ST3GAL6: variants seen among roughly 807,000 people sequenced by gnomAD.
The protein encoded by ST3GAL6 is ST3 beta-galactoside alpha-2,3-sialyltransferase 6.
Under a neutral mutation model 40.5 loss-of-function variants are expected in ST3GAL6, and 31 were observed. That is an observed-to-expected ratio of 0.77 (90% CI 0.58 to 1.03). ST3GAL6 has a LOEUF of 1.03. ST3GAL6 is among the 50% of genes least tolerant of loss of function. ST3GAL6 has a pLI of 0.00. For synonymous variants in ST3GAL6, 129 were observed against 136.9 expected (o/e 0.94, Z 0.40); for missense variants, 357 against 393.2 (o/e 0.91, Z 0.78).
At chr3:98,791,459 C>T (rs1007567486) in intron 8 of ST3GAL6, among the ~76,000 whole-genome samples, 2 of 152,162 alleles carry the variant, frequency 1.3e-5, no homozygotes, top group Admixed American at 6.5e-5. Flanking sequence ...ATTTCATACA[C>T]GTGTTCAAAA....
intron 1 of ST3GAL6, chr3:98,732,598 C>T: frequency 2.4e-6 from 1 of 417,572 alleles, no homozygotes; most frequent in South Asian, 4.1e-5. Flanking sequence ...CCGCAGCCTC[C>T]CACCACTTTG....
At position 98,779,951 on chromosome 3, in the gene ST3GAL6, A is replaced by G. The variant is rs1281148353; in HGVS notation, c.336-4994A>G. Among the ~76,000 whole-genome samples the G allele has an allele frequency of 2.6e-5, 4 of 152,330 alleles. No individual in the cohort carries two copies. The Middle Eastern group carries it at 0.01, about 389-fold the overall frequency. ...AGGATACAGAGATATAAATGATACT[A>G]TTCTTTCCTCTAGGGACTCACAATT... On this transcript the variant is annotated intron_variant, in intron 5 of 9. Coordinates refer to ENST00000483910, the MANE Select transcript of ST3GAL6 (RefSeq NM_001323368.2).
Position 98,772,829 on chromosome 3 carries a change from C to T in ST3GAL6, c.184C>T (p.Pro62Ser). The T allele has an allele frequency of 1.2e-6, 2 of 1,612,896 alleles. No homozygotes were observed. The highest frequency in any genetic ancestry group is 1.7e-6 in the Non-Finnish European group (2 of 1,179,152). ...ASLLRFHQFHPFLCAADFRKI... is the reference protein window; with the variant it reads ...ASLLRFHQFHSFLCAADFRKI... ...TCCTTCCAGGTTTCATCAGTTTCAC[C>T]CTTTTCTGTGTGCGGCTGATTTTAG... Residue 62 changes from proline (P) to serine (S), a missense_variant, in exon 4 of 10, where the codon CCT becomes TCT. By Grantham distance (74) the Pro-to-Ser change is moderately conservative. Coordinates refer to ENST00000483910, the MANE Select transcript of ST3GAL6 (RefSeq NM_001323368.2).
In ST3GAL6 at chr3:98,772,686, T is replaced by A. The variant is rs9859535; in HGVS notation, c.168-127T>A. 773 of 521,054 alleles carry A rather than the reference T, an allele frequency of 1.5e-3. 6 individuals are homozygous for A. Among genetic ancestry groups the A allele is most frequent in the African/African-American group, 0.013 (698 of 51,756 alleles). 32.3% of individuals were successfully genotyped at this position (521,054 alleles called of 1,614,324 possible). A position where few individuals can be genotyped will look rare whatever the true frequency, so the allele number is the denominator to read the frequency against. On this transcript the variant is annotated intron_variant, in intron 3 of 9. Transcript: ENST00000483910. ...AGTTATTTTTAAAAATTAAAAAAAA[T>A]TATACATTTTTGTATAGCCAGTATA... is the stretch of plus-strand genomic sequence containing the variant.
chr3:98,783,453 T>C (rs1353859012), intron 5 of ST3GAL6: 5 of 655,120 alleles, frequency 7.6e-6, no homozygotes, highest in Non-Finnish European at 7.6e-6. Flanking sequence ...GGCAACACTG[T>C]GTACCTTCCT....
chr3:98,744,428 A>G (rs186520797), intron 1 of ST3GAL6, among the ~76,000 whole-genome samples: 151 of 152,292 alleles, frequency 9.9e-4, no homozygotes, highest in Admixed American at 5.2e-3. Flanking sequence ...CACCCTGTCC[A>G]AGCTGTGGCT....
intron 1 of ST3GAL6, among the ~76,000 whole-genome samples, chr3:98,746,526 GT>G (rs1464103669): frequency 6.6e-6 from 1 of 151,988 alleles, no homozygotes; most frequent in Non-Finnish European, 1.5e-5. Flanking sequence ...TCTAGACTGG[GT>G]TGTTTTATAA....
At chr3:98,773,668 G>A (rs567312298) in intron 4 of ST3GAL6, among the ~76,000 whole-genome samples, 1 of 152,066 alleles carries the variant, frequency 6.6e-6, no homozygotes, top group East Asian at 1.9e-4. Context: ...AAAATTATAT[G>A]ATTGTTTTTC....
intron 1 of ST3GAL6, among the ~76,000 whole-genome samples, chr3:98,754,828 G>T (rs1463979612): frequency 6.6e-6 from 1 of 152,192 alleles, no homozygotes; most frequent in African/African-American, 2.4e-5. Context: ...TCAATCATTA[G>T]CATTTTTAGC....
intron 4 of ST3GAL6, among the ~76,000 whole-genome samples, chr3:98,773,717 T>C (rs1447382607): frequency 1.3e-5 from 2 of 152,156 alleles, no homozygotes; most frequent in African/African-American, 4.8e-5. Context: ...TTTTGGAAAG[T>C]GTCTTTAGAG....
At chr3:98,789,557 T>C (rs1258292108) in intron 8 of ST3GAL6, among the ~76,000 whole-genome samples, 1 of 152,226 alleles carries the variant, frequency 6.6e-6, no homozygotes, top group East Asian at 1.9e-4. Flanking sequence ...TCCAACATTT[T>C]CTTCTCTTTA....
intron 7 of ST3GAL6, 43 bp downstream of exon 7, chr3:98,788,265 C>T (rs1940915094): frequency 6.3e-7 from 1 of 1,588,530 alleles, no homozygotes; most frequent in African/African-American, 1.4e-5. Context: ...ACCTTTAGTG[C>T]TTTTTTTCCT....
Position 98,741,051 on chromosome 3 carries a change from A to AGTGTGTGTGTGT in ST3GAL6, c.-12+8541_-12+8552dup, listed in dbSNP as rs35649214. On this transcript the variant is annotated intron_variant, in intron 1 of 9. Coordinates refer to the ST3GAL6 transcript ENST00000265261. Reference sequence around the variant, plus strand: ...CCATGGGCATATAGTAGAGGGATTCAGTGTGTGTGTGTGTGTGTGTGTGTG... The same window carrying AGTGTGTGTGTGT: ...CCATGGGCATATAGTAGAGGGATTCAGTGTGTGTGTGTGTGTGTGTGTGTGTGTGTGTGTGTG... Among the ~76,000 whole-genome samples the AGTGTGTGTGTGT allele has an allele frequency of 4.5e-3, 648 of 145,212 alleles. 4 individuals are homozygous for AGTGTGTGTGTGT. The highest frequency in any genetic ancestry group is 0.016 in the African/African-American group (620 of 37,738).
At chr3:98,762,713 A>ATT, upstream of ST3GAL6, 3 of 765,342 alleles carry the variant, frequency 3.9e-6, no homozygotes, top group Non-Finnish European at 4.8e-6. Context: ...TTAACAGTTC[A>ATT]TACTCTTAAA....
At chr3:98,762,029 G>A (rs1158006855), upstream of ST3GAL6, among the ~76,000 whole-genome samples, 3 of 152,136 alleles carry the variant, frequency 2.0e-5, no homozygotes, top group Admixed American at 6.5e-5. Context: ...ATCTGCTTTG[G>A]CAGAAGGCTT....
In ST3GAL6 at chr3:98,788,337, T is replaced by A. The variant is rs1940925057; in HGVS notation, c.630T>A (p.Gly210=). The A allele has an allele frequency of 5.0e-6, 8 of 1,606,860 alleles. No individual in the cohort carries two copies. Among genetic ancestry groups the A allele is most frequent in the Non-Finnish European group, 6.8e-6 (8 of 1,177,762 alleles). ...TTTTTTACTTTCAGAACACTAATGG[T>A]TTTTGGAAGAAACCAGCCTTAAACC... ...LLMGDKINTN[G]FWKKPALNLI... The change falls in exon 8 of 10, where the codon GGT becomes GGA. Residue 210 remains glycine, a synonymous_variant. Coordinates refer to ENST00000483910, the MANE Select transcript of ST3GAL6 (RefSeq NM_001323368.2).
chr3:98,763,347 GC>G lies in ST3GAL6; in HGVS notation c.-103del. The G allele has an allele frequency of 7.8e-7, 1 of 1,289,854 alleles. No individual in the cohort carries two copies. Among genetic ancestry groups the G allele is most frequent in the South Asian group, 1.2e-5 (1 of 81,026 alleles). 79.9% of individuals were successfully genotyped at this position (1,289,854 alleles called of 1,614,324 possible). ...CAGTCTGGAGTGTATGTCAGTGTGA[GC>G]TGAAGACCAGCAGAGACTAGGATGG... On this transcript the variant is annotated 5_prime_UTR_variant, in exon 1 of 10. Coordinates refer to ENST00000483910, the MANE Select transcript of ST3GAL6 (RefSeq NM_001323368.2).
intron 5 of ST3GAL6, chr3:98,782,303 G>A: frequency 1.4e-6 from 1 of 703,470 alleles, no homozygotes; most frequent in Non-Finnish European, 2.6e-6. Context: ...CAGAAGCAAG[G>A]CTGCTATAGC....
At chr3:98,778,775 A>G (rs1410055960) in intron 5 of ST3GAL6, among the ~76,000 whole-genome samples, 2 of 152,240 alleles carry the variant, frequency 1.3e-5, no homozygotes, top group African/African-American at 4.8e-5. Context: ...ACTAGCAACC[A>G]GGTCTCCAAC....
Sources: allele counts gnomAD v4.1 joint callset (sites outside exome capture counted in the v4.1 genomes callset), GRCh38; gene constraint gnomAD v4.1.1; transcripts MANE v1.5; gene names NCBI Gene and HGNC (gene_info 2026-07-23, HGNC 2026-07-21).